The following PHKB variants were observed in gnomAD, a reference collection of about 807,000 sequenced individuals.
The protein encoded by PHKB is phosphorylase b kinase regulatory subunit beta.
Under a neutral mutation model 152.1 loss-of-function variants are expected in PHKB, and 122 were observed. The observed-to-expected ratio is 0.80, with a 90% CI of 0.69 to 0.93. The LOEUF is 0.93. Ranked by LOEUF, PHKB falls within the 40% of genes least tolerant of loss-of-function variation. The pLI is 0.00. For synonymous variants in PHKB, 436 were observed against 464.9 expected, an observed-to-expected ratio of 0.94 and a Z score of 0.80; for missense variants, 1,304 against 1,328.4, an observed-to-expected ratio of 0.98 and a Z score of 0.29.
rs766445814 is a variant in PHKB at position 47,593,515 on chromosome 16, G to C, written c.1084G>C (p.Glu362Gln). 6.8e-6 allele frequency: 10 copies of C among 1,468,204 alleles called. No individual in the cohort carries two copies. The highest frequency in any genetic ancestry group is 1.9e-6 in the Non-Finnish European group (2 of 1,047,678). The allele number at this position is 1,468,204 out of a possible 1,614,324, so 90.9% of individuals were successfully genotyped here. A position where few individuals can be genotyped will look rare whatever the true frequency, so the allele number is the denominator to read the frequency against. Residue 362 changes from glutamate (E) to glutamine (Q), a missense_variant, in exon 11 of 31, where the codon GAA (glutamate) becomes CAA (glutamine). By Grantham distance (29) the Glu-to-Gln change is conservative. Transcript: ENST00000323584. ...TCTGTTTTAGCTATTTGATGGCATT[G>C]AATGTGAATTTCCCATATTTTTCCT... Reference protein sequence around the residue: ...PAEIKLFDGIECEFPIFFLYM... With the variant: ...PAEIKLFDGIQCEFPIFFLYM...
At chr16:47,581,165 A>G (rs555348400) in intron 8 of PHKB, among the ~76,000 whole-genome samples, 3 of 152,236 alleles carry the variant, frequency 2.0e-5, no homozygotes, top group Admixed American at 2.0e-4. Context: ...TGCAAAAAAA[A>G]CGACATGGTT....
chr16:47,580,165 C>T (rs1971817916), intron 7 of PHKB, 130 bp from the exon 8 acceptor site: 2 of 729,000 alleles, frequency 2.7e-6, no homozygotes, highest in East Asian at 2.5e-5. Context: ...GTCTCTTAGA[C>T]ATTATTCTTC....
chr16:47,601,031 C>T (rs972892370), intron 13 of PHKB, among the ~76,000 whole-genome samples: 11 of 152,090 alleles, frequency 7.2e-5, no homozygotes, highest in Admixed American at 4.6e-4. Context: ...GGGGTTTCAC[C>T]GTGTTACCCA....
intron 18 of PHKB, among the ~76,000 whole-genome samples, chr16:47,649,861 G>A (rs917900739): frequency 1.3e-5 from 2 of 150,552 alleles, no homozygotes; most frequent in Non-Finnish European, 2.9e-5. Flanking sequence ...GAAGTATTAT[G>A]TAAGTTTTTG....
chr16:47,480,006 C>T (rs1255466170), intron 1 of PHKB, among the ~76,000 whole-genome samples: 4 of 152,116 alleles, frequency 2.6e-5, no homozygotes, highest in Non-Finnish European at 5.9e-5. Flanking sequence ...TTGCTATAAA[C>T]GTTAAAATTT....
intron 1 of PHKB, among the ~76,000 whole-genome samples, chr16:47,469,810 A>G (rs558005744): frequency 5.5e-4 from 84 of 152,328 alleles, no homozygotes; most frequent in African/African-American, 1.9e-3. Flanking sequence ...CCCTAAAACC[A>G]AACAAATTGT....
At chr16:47,527,889 T>C (rs1438063794) in intron 6 of PHKB, among the ~76,000 whole-genome samples, 5 of 152,140 alleles carry the variant, frequency 3.3e-5, no homozygotes, top group Non-Finnish European at 7.4e-5. Flanking sequence ...GGCCTTCTGC[T>C]AGCCAAAGAG....
chr16:47,550,202 G>T (rs1012568752), intron 7 of PHKB, among the ~76,000 whole-genome samples: 2 of 152,152 alleles, frequency 1.3e-5, no homozygotes, highest in Non-Finnish European at 2.9e-5. Context: ...ATGTGCTCAC[G>T]GAGGTAGTGA....
chr16:47,654,520 CTA>C (rs1358287158), intron 20 of PHKB, among the ~76,000 whole-genome samples: 2 of 152,048 alleles, frequency 1.3e-5, no homozygotes, highest in African/African-American at 4.8e-5. Context: ...TATTGCGACA[CTA>C]TTCACAATAG....
At chr16:47,467,658 C>T (rs1597006982) in intron 1 of PHKB, among the ~76,000 whole-genome samples, 1 of 152,034 alleles carries the variant, frequency 6.6e-6, no homozygotes, top group Non-Finnish European at 1.5e-5. Context: ...ATGACTTAAC[C>T]CCCTTGGCAT....
chr16:47,558,739 G>T (rs973934661), intron 7 of PHKB, among the ~76,000 whole-genome samples: 1 of 152,216 alleles, frequency 6.6e-6, no homozygotes, highest in African/African-American at 2.4e-5. Context: ...AGTAGAGACA[G>T]GGTTTCGCCA....
chr16:47,688,906 G>A (rs1174908103), intron 26 of PHKB, 135 bp from the exon 27 acceptor site: 35 of 886,158 alleles, frequency 3.9e-5, no homozygotes, highest in East Asian at 9.7e-5. Flanking sequence ...TTGTATCAAC[G>A]GTTCAGGAAA....
At position 47,588,966 on chromosome 16, in the gene PHKB, T is replaced by A; in HGVS notation, c.932T>A (p.Val311Asp). Residue 311 changes from valine (V) to aspartate (D), a missense_variant, in exon 10 of 31, where the codon GTT (valine) becomes GAT (aspartate). Transcript: ENST00000323584. ...SYPAFALDDE[V>D]LFSQTLDKVV... ...CCTGCATTTGCCCTGGATGATGAAG[T>A]TCTTTTTAGCCAGACACTTGATAAA... The A allele has an allele frequency of 3.7e-6, 6 of 1,614,022 alleles. No homozygotes were observed. Among genetic ancestry groups the A allele is most frequent in the Non-Finnish European group, 5.1e-6 (6 of 1,179,912 alleles).
In PHKB at chr16:47,699,279, A is replaced by G; in HGVS notation, c.3195A>G (p.Thr1065=). 2.5e-6 allele frequency: 4 copies of G among 1,614,126 alleles called. No individual in the cohort carries two copies. Among genetic ancestry groups the G allele is most frequent in the South Asian group, 2.2e-5 (2 of 91,082 alleles). Residue 1065 remains threonine, a synonymous_variant, in exon 31 of 31, where the codon ACA becomes ACG. Coordinates refer to ENST00000323584, the MANE Select transcript of PHKB (RefSeq NM_000293.3). ...YNTPPLGKRG[T]CSYLTKAVMN... The stretch of plus-strand genomic sequence containing the variant: ...CTCCTCCCCTGGGAAAAAGAGGAAC[A>G]TGCAGCTATTTGACAAAGGCGGTGA...
intron 1 of PHKB, among the ~76,000 whole-genome samples, chr16:47,474,814 T>G (rs1450533807): frequency 1.3e-5 from 2 of 152,030 alleles, no homozygotes. Context: ...AACCTCCATC[T>G]CCCAGGTTCA....
At chr16:47,663,485 G>T (rs1359482511) in intron 23 of PHKB, among the ~76,000 whole-genome samples, 192 bp from the exon 24 acceptor site, 1 of 152,146 alleles carries the variant, frequency 6.6e-6, no homozygotes, top group African/African-American at 2.4e-5. Context: ...AGACTAAATA[G>T]TATCAAGTGC....
chr16:47,583,089 GC>G (rs1269259102), intron 8 of PHKB, among the ~76,000 whole-genome samples: 1 of 152,170 alleles, frequency 6.6e-6, no homozygotes, highest in African/African-American at 2.4e-5. Context: ...GAGCCACCAC[GC>G]CGGGCCATGT....
At chr16:47,676,193 A>G (rs200950064) in intron 26 of PHKB, 3 of 152,322 alleles carry the variant, frequency 2.0e-5, no homozygotes, top group East Asian at 1.9e-4. Flanking sequence ...CAAATTTCCT[A>G]TAAATTGTTG....
intron 7 of PHKB, 35 bp from the exon 8 acceptor site, chr16:47,580,260 A>G (rs768766420): frequency 1.1e-5 from 17 of 1,544,166 alleles, no homozygotes; most frequent in Non-Finnish European, 1.5e-5. Context: ...AGCCACATAC[A>G]TTAGAGTAAT....
Sources: gnomAD v4.1 joint callset for allele counts (sites outside exome capture counted in the v4.1 genomes callset) on GRCh38, gnomAD v4.1.1 for gene constraint, MANE v1.5 for transcripts, NCBI Gene and HGNC (gene_info 2026-07-23, HGNC 2026-07-21) for gene names.